Variants in INPP4B observed in about 807,000 individuals in gnomAD.
The protein encoded by INPP4B is inositol polyphosphate 4-phosphatase type II.
A neutral mutation model predicts 122.5 loss-of-function variants in INPP4B; 55 were observed. The ratio of observed to expected loss-of-function variants is 0.45; its 90% confidence interval spans 0.36 to 0.56. The LOEUF is 0.56. INPP4B is among the 20% of genes least tolerant of loss of function. INPP4B has a pLI of 0.00. For missense variants in INPP4B, 1,000 were observed against 1,097.7 expected (o/e 0.91, Z 1.26); for synonymous variants, 403 against 388.7 (o/e 1.04, Z -0.43).
chr4:142,034,649 A>G (rs1379679720), intron 25 of INPP4B, among the ~76,000 whole-genome samples: 1 of 152,054 alleles, frequency 6.6e-6, no homozygotes, highest in Non-Finnish European at 1.5e-5. Context: ...ATACACATCA[A>G]GAGTCACACC....
At chr4:142,688,389 A>T (rs1040062991) in intron 2 of INPP4B, among the ~76,000 whole-genome samples, 1 of 152,130 alleles carries the variant, frequency 6.6e-6, no homozygotes, top group African/African-American at 2.4e-5. Flanking sequence ...CATTCTGCAC[A>T]TGTTATTTGC....
chr4:142,279,151 G>T (rs1750021835), intron 9 of INPP4B, among the ~76,000 whole-genome samples: 1 of 151,806 alleles, frequency 6.6e-6, no homozygotes, highest in Non-Finnish European at 1.5e-5. Context: ...ATTCAAAGAA[G>T]GTCTAAATAA....
At chr4:142,141,732 G>A (rs923092049) in intron 18 of INPP4B, among the ~76,000 whole-genome samples, 2 of 152,048 alleles carry the variant, frequency 1.3e-5, no homozygotes, top group African/African-American at 4.8e-5. Flanking sequence ...AACTTGAAAA[G>A]AGAAATAGCT....
intron 11 of INPP4B, among the ~76,000 whole-genome samples, chr4:142,255,920 C>T (rs1006848147): frequency 6.8e-6 from 1 of 146,302 alleles, no homozygotes; most frequent in South Asian, 2.4e-4. Flanking sequence ...AGCACCACAC[C>T]ACACCTATTC....
chr4:142,487,343 G>A (rs1328466479), intron 2 of INPP4B, among the ~76,000 whole-genome samples: 1 of 152,122 alleles, frequency 6.6e-6, no homozygotes, highest in African/African-American at 2.4e-5. Context: ...GTACCACAAT[G>A]TCTGGATTAC....
intron 5 of INPP4B, among the ~76,000 whole-genome samples, chr4:142,428,551 T>C (rs1808604193): frequency 1.3e-5 from 2 of 151,888 alleles, no homozygotes; most frequent in South Asian, 2.1e-4. Flanking sequence ...TTAATTCACA[T>C]ATAAAGTAGT....
intron 21 of INPP4B, among the ~76,000 whole-genome samples, chr4:142,114,087 T>C (rs964227892): frequency 6.6e-6 from 1 of 152,064 alleles, no homozygotes; most frequent in African/African-American, 2.4e-5. Context: ...CTATCTGGCC[T>C]TTTTCACCTA....
chr4:142,414,300 T>C (rs957980232), intron 5 of INPP4B, among the ~76,000 whole-genome samples: 8 of 147,974 alleles, frequency 5.4e-5, no homozygotes, highest in African/African-American at 2.0e-4. Flanking sequence ...GGCTTTTAAA[T>C]AAAAAAAAAA....
At chr4:142,629,681 A>T (rs1002691283) in intron 2 of INPP4B, among the ~76,000 whole-genome samples, 9 of 152,130 alleles carry the variant, frequency 5.9e-5, no homozygotes, top group Non-Finnish European at 1.2e-4. Context: ...AAAATTGAGA[A>T]GTTCACTGTG....
chr4:142,399,189 C>CTTTTTTTTTTTTTT (rs70949166), intron 7 of INPP4B, among the ~76,000 whole-genome samples: 1 of 56,948 alleles, frequency 1.8e-5, no homozygotes, highest in Non-Finnish European at 3.0e-5. Flanking sequence ...TTTCCTTTTG[C>CTTTTTTTTTTTTTT]TTTTTTTTTT....
At chr4:142,784,423 A>T (rs1775422131) in intron 1 of INPP4B, among the ~76,000 whole-genome samples, 1 of 150,286 alleles carries the variant, frequency 6.7e-6, no homozygotes, top group Admixed American at 6.6e-5. Flanking sequence ...ATTAAAATCA[A>T]GGACTTTTTT....
chr4:142,430,276 A>T (rs1188450388), intron 4 of INPP4B, among the ~76,000 whole-genome samples: 1 of 152,056 alleles, frequency 6.6e-6, no homozygotes, highest in African/African-American at 2.4e-5. Flanking sequence ...ATTTTTCAAG[A>T]GAGGTTAAAG....
Position 142,028,746 on chromosome 4 carries a change from G to GTAT in INPP4B, c.*33_*35dup, listed in dbSNP as rs1414324756. The GTAT allele has an allele frequency of 1.9e-6, 3 of 1,588,588 alleles. No individual in the cohort carries two copies. The highest frequency in any genetic ancestry group is 1.8e-5 in the Admixed American group (1 of 54,900). On this transcript the variant is annotated 3_prime_UTR_variant, in exon 26 of 26. Coordinates refer to ENST00000262992, the MANE Select transcript of INPP4B (RefSeq NM_001101669.3). ...AAGGTGAAGATTATCCAACTGAAAT[G>GTAT]TATTTGTGTTCCTGTTTATTAACAT... is the stretch of plus-strand genomic sequence containing the variant.
chr4:142,727,426 C>T (rs4690727), intron 1 of INPP4B, among the ~76,000 whole-genome samples: 4 of 152,218 alleles, frequency 2.6e-5, no homozygotes, highest in Admixed American at 2.0e-4. Context: ...AACAAAAAGA[C>T]ATTCAAGAAA....
chr4:142,045,735 C>T (rs1164533855), intron 25 of INPP4B, among the ~76,000 whole-genome samples: 3 of 152,066 alleles, frequency 2.0e-5, no homozygotes, highest in Non-Finnish European at 2.9e-5. Context: ...AAAACTCATA[C>T]AGAATTTCTA....
intron 8 of INPP4B, among the ~76,000 whole-genome samples, chr4:142,306,096 C>G: frequency 6.6e-6 from 1 of 152,134 alleles, no homozygotes; most frequent in South Asian, 2.1e-4. Flanking sequence ...TTCTAATACA[C>G]GAAAGAAAAT....
rs1229382429 is a variant in INPP4B, at chr4:142,160,563, T to G, written c.1360-2A>C. The G allele has an allele frequency of 6.3e-7, 1 of 1,588,614 alleles. No individual in the cohort carries two copies. Among genetic ancestry groups the G allele is most frequent in the Admixed American group, 1.7e-5 (1 of 59,132 alleles). On this transcript the variant is annotated splice_acceptor_variant, in intron 16 of 25. Transcript: ENST00000262992. LOFTEE classifies it high-confidence loss of function. ...GAAGGCATGTACAAAAAGCTCTGTCTGGAAAGAAATTGACAAGGATTAGAA... is the reference window on the plus strand; with the variant it reads ...GAAGGCATGTACAAAAAGCTCTGTCGGGAAAGAAATTGACAAGGATTAGAA...
rs190703426 is a variant in INPP4B, at chr4:142,794,703, A to G, written c.-254+51506T>C. Among the ~76,000 whole-genome samples, 22 of 152,014 alleles carry G rather than the reference A, an allele frequency of 1.4e-4. No homozygotes were observed. The East Asian group carries it at 3.9e-3, about 27-fold the overall frequency. On this transcript the variant is annotated intron_variant, in intron 1 of 25. Transcript: ENST00000262992. The stretch of plus-strand genomic sequence containing the variant: ...ATCTGGGAGATAATATTTGTAATAT[A>G]TTAAAATATTAGCATAAATATATAA...
chr4:142,035,448 G>A (rs148776389), intron 25 of INPP4B, among the ~76,000 whole-genome samples: 2 of 152,094 alleles, frequency 1.3e-5, no homozygotes, highest in Non-Finnish European at 1.5e-5. Flanking sequence ...TTTTTAACTA[G>A]ATAAAGATAC....
Sources: gnomAD v4.1 joint callset for allele counts (sites outside exome capture counted in the v4.1 genomes callset) on GRCh38, gnomAD v4.1.1 for gene constraint, MANE v1.5 for transcripts, NCBI Gene and HGNC (gene_info 2026-07-23, HGNC 2026-07-21) for gene names.